HDAC5: variants seen among roughly 807,000 people sequenced by gnomAD.
The protein encoded by HDAC5 is histone deacetylase 5.
Under a neutral mutation model 133.3 loss-of-function variants are expected in HDAC5, and 25 were observed. The observed-to-expected ratio is 0.19, with a 90% confidence interval of 0.14 to 0.26. The LOEUF (loss-of-function observed/expected upper bound fraction) is 0.26. HDAC5 is among the 10% of genes least tolerant of loss of function. HDAC5 has a pLI of 1.00. For missense variants in HDAC5, 1,041 were observed against 1,460.5 expected (o/e 0.71, Z 4.68); for synonymous variants, 589 against 610.8 (o/e 0.96, Z 0.53).
intron 10 of HDAC5, 25 bp downstream of exon 10, chr17:44,091,675 G>A (rs148066550): frequency 6.6e-7 from 1 of 1,525,022 alleles, no homozygotes; most frequent in African/African-American, 1.4e-5. Flanking sequence ...CCAGAGGGAA[G>A]ATGGGGTATA....
chr17:44,079,353 G>C, intron 23 of HDAC5, 76 bp from the exon 24 acceptor site: 1 of 1,497,656 alleles, frequency 6.7e-7, no homozygotes, highest in Admixed American at 1.9e-5. Context: ...TAAGAGGAGA[G>C]AAAAAAGGCC....
At position 44,085,164 on chromosome 17, in the gene HDAC5, C is replaced by G; in HGVS notation, c.2051-9G>C. On this transcript the variant is annotated splice_polypyrimidine_tract_variant and intron_variant, in intron 14 of 26. Coordinates refer to ENST00000682912, the MANE Select transcript of HDAC5 (RefSeq NM_005474.5). ...CGTGTCGTAGACCACACCTGGGCCA[C>G]AGACCTATGTGTCAGCCAGCACTGC... is the stretch of plus-strand genomic sequence containing the variant. 6.3e-7 allele frequency: 1 copy of G among 1,584,914 alleles called. No homozygotes were observed. Among genetic ancestry groups the G allele is most frequent in the Non-Finnish European group, 8.6e-7 (1 of 1,156,458 alleles).
intron 3 of HDAC5, among the ~76,000 whole-genome samples, chr17:44,107,930 G>A (rs2052072984): frequency 6.6e-6 from 1 of 152,148 alleles, no homozygotes; most frequent in East Asian, 1.9e-4. Context: ...CGTATTGTCT[G>A]GGCATCAGCT....
In HDAC5 at chr17:44,093,569, G is replaced by A. The variant is rs370074004; in HGVS notation, c.354+6C>T. ...CTGGGCGGCCCCCCGCACCCCCCTC[G>A]CTCACCTTGAGGTGCTTCTGCAGCT... is the stretch of plus-strand genomic sequence containing the variant. On this transcript the variant is annotated splice_donor_region_variant and intron_variant, in intron 4 of 26. Coordinates refer to ENST00000682912, the MANE Select transcript of HDAC5 (RefSeq NM_005474.5). 29 of 1,601,432 alleles carry A rather than the reference G, an allele frequency of 1.8e-5. No individual in the cohort carries two copies. The highest frequency in any genetic ancestry group is 1.3e-4 in the East Asian group (6 of 44,722).
chr17:44,114,710 C>T lies in HDAC5; in HGVS notation c.22+2784G>A, dbSNP rs368008708. 8.5e-4 allele frequency among the ~76,000 whole-genome samples: 129 copies of T among 152,308 alleles called. 3 individuals are homozygous for T. In the South Asian group the frequency reaches 0.022, roughly 25 times the overall value. Reference sequence around the variant, plus strand: ...CAGGCCCCTGGGCAGCTCCTCCAACCTGGTTGGGCCGAGTCTGAGCTGAGG... The same window carrying T: ...CAGGCCCCTGGGCAGCTCCTCCAACTTGGTTGGGCCGAGTCTGAGCTGAGG... On this transcript the variant is annotated intron_variant, in intron 2 of 26. Transcript: ENST00000682912.
chr17:44,091,896 C>T, intron 9 of HDAC5, 65 bp from the exon 10 acceptor site: 1 of 1,497,920 alleles, frequency 6.7e-7, no homozygotes, highest in South Asian at 1.4e-5. Context: ...GGGAGGGCAA[C>T]CTGGGGCCAA....
At chr17:44,078,689 G>A in intron 25 of HDAC5, 24 bp from the exon 26 acceptor site, 3 of 1,605,702 alleles carry the variant, frequency 1.9e-6, no homozygotes, top group Non-Finnish European at 2.5e-6. Flanking sequence ...ACAGGCAAGG[G>A]GTCAGGGAGG....
intron 19 of HDAC5, 44 bp from the exon 20 acceptor site, chr17:44,082,716 G>A (rs777721425): frequency 4.3e-6 from 7 of 1,610,464 alleles, no homozygotes; most frequent in Admixed American, 1.7e-5. Context: ...TCAGCATGAC[G>A]TTTGCAAGAG....
In HDAC5 at chr17:44,078,197, G is replaced by A; in HGVS notation, c.*179C>T. The A allele has an allele frequency of 1.8e-6, 1 of 559,150 alleles. No homozygotes were observed. Among genetic ancestry groups the A allele is most frequent in the Non-Finnish European group, 3.0e-6 (1 of 330,830 alleles). 34.6% of individuals were successfully genotyped at this position (559,150 alleles called of 1,614,324 possible). ...CCACCACCCCCTGCAGAGGGAGCAG[G>A]CTTCTAGAGCTGAGGTGGAAGCCAC... On this transcript the variant is annotated 3_prime_UTR_variant, in exon 27 of 27. Coordinates refer to ENST00000682912, the MANE Select transcript of HDAC5 (RefSeq NM_005474.5).
intron 18 of HDAC5, 117 bp downstream of exon 18, chr17:44,083,428 G>A (rs1597936316): frequency 2.9e-6 from 2 of 695,810 alleles, no homozygotes; most frequent in East Asian, 5.5e-5. Context: ...TGGTGCCTGA[G>A]AGTTGAGCTT....
intron 12 of HDAC5, 70 bp from the exon 13 acceptor site, chr17:44,087,766 A>G (rs532735119): frequency 6.8e-7 from 1 of 1,464,378 alleles, no homozygotes; most frequent in East Asian, 2.3e-5. Context: ...AACCCAGAAC[A>G]GTCTATCCTT....
chr17:44,118,255 G>A (rs184764146), intron 1 of HDAC5, among the ~76,000 whole-genome samples: 1 of 152,346 alleles, frequency 6.6e-6, no homozygotes, highest in African/African-American at 2.4e-5. Context: ...AACAGACCAG[G>A]ACAAGAGCTT....
intron 3 of HDAC5, among the ~76,000 whole-genome samples, chr17:44,100,127 G>T (rs1360493325): frequency 1.3e-5 from 2 of 152,298 alleles, no homozygotes; most frequent in East Asian, 3.9e-4. Context: ...CCTGGGCCAT[G>T]AGGCACAGGT....
chr17:44,084,697 G>A, intron 15 of HDAC5, 22 bp from the exon 16 acceptor site: 1 of 1,613,154 alleles, frequency 6.2e-7, no homozygotes, highest in Non-Finnish European at 8.5e-7. Flanking sequence ...ATCAGTAAGA[G>A]GGGTCACACA....
chr17:44,110,108 G>A (rs1313216868), intron 3 of HDAC5, among the ~76,000 whole-genome samples: 3 of 152,236 alleles, frequency 2.0e-5, no homozygotes, highest in Non-Finnish European at 2.9e-5. Context: ...CCAGACCTGG[G>A]GAGAGGAGCG....
chr17:44,079,471 C>T, intron 23 of HDAC5, 194 bp from the exon 24 acceptor site: 1 of 515,104 alleles, frequency 1.9e-6, no homozygotes, highest in Non-Finnish European at 3.5e-6. Flanking sequence ...GAAACCCCGT[C>T]TCTACTAAAA....
intron 3 of HDAC5, among the ~76,000 whole-genome samples, chr17:44,100,006 G>A (rs943281621): frequency 4.6e-5 from 7 of 152,190 alleles, no homozygotes; most frequent in African/African-American, 1.7e-4. Flanking sequence ...TCCTCTGGGG[G>A]AGATGATGTA....
In HDAC5 at chr17:44,091,734, T is replaced by C; in HGVS notation, c.1130A>G (p.Gln377Arg). Residue 377 changes from glutamine to arginine, a missense_variant, in exon 10 of 27, where the codon CAG becomes CGG. Physicochemically the swap from Gln to Arg is conservative, Grantham distance 43. This residue lies in a region of HDAC5 where 433 missense variants were observed against 531.6 expected (regional missense o/e 0.81). Coordinates refer to ENST00000682912, the MANE Select transcript of HDAC5 (RefSeq NM_005474.5). ...PSLPNISLGLQATVTVTNSHL... is the reference protein window; with the variant it reads ...PSLPNISLGLRATVTVTNSHL... ...TGAGTTGGTGACAGTGACCGTGGCC[T>C]GCAGCCCTAGGGAGATGTTGGGCAG... 1.3e-6 allele frequency: 2 copies of C among 1,592,400 alleles called. No individual in the cohort carries two copies. The highest frequency in any genetic ancestry group is 1.7e-6 in the Non-Finnish European group (2 of 1,169,310).
chr17:44,080,976 G>C (rs963016551), intron 20 of HDAC5, 94 bp from the exon 21 acceptor site: 14 of 1,540,528 alleles, frequency 9.1e-6, no homozygotes, highest in Non-Finnish European at 9.8e-6. Flanking sequence ...GCTCATGCCT[G>C]TAATCCTAGC....
Sources: allele counts gnomAD v4.1 joint callset (sites outside exome capture counted in the v4.1 genomes callset), GRCh38; gene constraint gnomAD v4.1.1; regional missense constraint gnomAD v4.1.1; transcripts MANE v1.5; gene names NCBI Gene and HGNC (gene_info 2026-07-23, HGNC 2026-07-21).